Variants in MYRIP observed in about 807,000 individuals in gnomAD.
The protein encoded by MYRIP is rab effector MyRIP.
MYRIP carries 49 observed loss-of-function variants against 98.0 expected under a neutral mutation model. The observed-to-expected ratio is 0.50, with a 90% CI of 0.40 to 0.63. The LOEUF (loss-of-function observed/expected upper bound fraction) is 0.63, where lower values mean the gene tolerates loss of function less well. Ranked by LOEUF, MYRIP falls within the 30% of genes least tolerant of loss-of-function variation. The probability of loss-of-function intolerance (pLI) is 0.00; values close to 1 mark genes in which losing one functional copy is unlikely to be tolerated. For synonymous variants in MYRIP, 404 were observed against 409.5 expected, an observed-to-expected ratio of 0.99 and a Z score of 0.16; for missense variants, 1,004 against 1,058.2, an observed-to-expected ratio of 0.95 and a Z score of 0.71.
chr3:39,904,797 G>A (rs1195537135), intron 2 of MYRIP, among the ~76,000 whole-genome samples: 1 of 152,170 alleles, frequency 6.6e-6, no homozygotes, highest in Admixed American at 6.5e-5. Context: ...TATGTAAAGT[G>A]ATTCTGTCAA....
intron 1 of MYRIP, among the ~76,000 whole-genome samples, chr3:39,845,899 C>T (rs1941951122): frequency 6.7e-6 from 1 of 148,560 alleles, no homozygotes; most frequent in Admixed American, 6.7e-5. Flanking sequence ...TCACCTGAAA[C>T]TGAATGAACA....
chr3:39,896,555 T>C (rs999120748), intron 1 of MYRIP, among the ~76,000 whole-genome samples: 8 of 152,222 alleles, frequency 5.3e-5, no homozygotes, highest in Admixed American at 2.0e-4. Flanking sequence ...TCTTAACATT[T>C]AGGTTTCTCT....
intron 7 of MYRIP, among the ~76,000 whole-genome samples, chr3:40,169,182 C>T (rs1339142902): frequency 1.3e-5 from 2 of 152,212 alleles, no homozygotes; most frequent in Non-Finnish European, 2.9e-5. Context: ...GTCACTGGTC[C>T]TCAGCAATTC....
intron 12 of MYRIP, among the ~76,000 whole-genome samples, chr3:40,234,439 A>G (rs1173876637): frequency 1.3e-5 from 2 of 152,212 alleles, no homozygotes; most frequent in Non-Finnish European, 2.9e-5. Flanking sequence ...GGCCCGTCCT[A>G]CAACCAGCAG....
chr3:40,193,150 A>G (rs934442969), intron 10 of MYRIP, among the ~76,000 whole-genome samples: 1 of 152,198 alleles, frequency 6.6e-6, no homozygotes, highest in Admixed American at 6.5e-5. Context: ...GTTACAAGGC[A>G]CACAGACCTA....
At chr3:39,838,327 A>G (rs547835749) in intron 1 of MYRIP, among the ~76,000 whole-genome samples, 1 of 152,310 alleles carries the variant, frequency 6.6e-6, no homozygotes, top group Non-Finnish European at 1.5e-5. Context: ...CCCATTTAGT[A>G]TGATATTAGC....
chr3:39,836,559 C>T (rs1446862214), intron 1 of MYRIP, among the ~76,000 whole-genome samples: 1 of 151,976 alleles, frequency 6.6e-6, no homozygotes, highest in Admixed American at 6.6e-5. Context: ...GCTCCTTTTG[C>T]GAGGGCATTA....
intron 2 of MYRIP, among the ~76,000 whole-genome samples, chr3:39,995,588 T>G (rs1207306408): frequency 6.6e-6 from 1 of 152,126 alleles, no homozygotes; most frequent in Non-Finnish European, 1.5e-5. Context: ...ACGGGGAGAA[T>G]GGAACCAAGT....
At chr3:40,167,107 C>A in intron 6 of MYRIP, 52 bp from the exon 7 acceptor site, 1 of 1,574,786 alleles carries the variant, frequency 6.4e-7, no homozygotes, top group South Asian at 1.1e-5. Context: ...AAGTGACTGC[C>A]AAGTCACCCC....
intron 9 of MYRIP, among the ~76,000 whole-genome samples, chr3:40,187,467 A>C (rs2125625395): frequency 6.6e-6 from 1 of 152,358 alleles, no homozygotes; most frequent in Non-Finnish European, 1.5e-5. Context: ...CTGAGCAGGC[A>C]TGTGTAACAC....
Position 40,099,985 on chromosome 3 carries a change from G to A in MYRIP, c.333-51063G>A, listed in dbSNP as rs144294732. 1.4e-3 allele frequency: 1,363 copies of A among 984,874 alleles called. 8 individuals carry two copies. In the African/African-American group the frequency reaches 0.022, roughly 16 times the overall value. 61.0% of individuals were successfully genotyped at this position (984,874 alleles called of 1,614,324 possible). On this transcript the variant is annotated intron_variant, in intron 3 of 16. Transcript: ENST00000302541. Reference sequence around the variant, plus strand: ...GTTGTCTGAGATTTCACAGCTCTCCGTCACCTCCCTTCTGAAACTGGTAAT... The same window carrying A: ...GTTGTCTGAGATTTCACAGCTCTCCATCACCTCCCTTCTGAAACTGGTAAT...
intron 2 of MYRIP, among the ~76,000 whole-genome samples, chr3:39,903,472 G>T (rs186615934): frequency 6.6e-5 from 10 of 152,138 alleles, no homozygotes; most frequent in African/African-American, 2.4e-4. Flanking sequence ...GTGTAGTAGA[G>T]CTTATCCAGT....
intron 1 of MYRIP, among the ~76,000 whole-genome samples, chr3:39,878,577 G>GCCTCT (rs1943073729): frequency 6.6e-6 from 1 of 151,376 alleles, no homozygotes; most frequent in Non-Finnish European, 1.5e-5. Context: ...TATACACAGA[G>GCCTCT]GTGTATATAT....
At chr3:40,200,457 G>A (rs189204331) in intron 10 of MYRIP, among the ~76,000 whole-genome samples, 1 of 152,104 alleles carries the variant, frequency 6.6e-6, no homozygotes, top group African/African-American at 2.4e-5. Context: ...GGGAGTATTG[G>A]GAGCCTGTCT....
intron 10 of MYRIP, among the ~76,000 whole-genome samples, chr3:40,197,427 A>G (rs1951423937): frequency 6.6e-6 from 1 of 152,126 alleles, no homozygotes; most frequent in South Asian, 2.1e-4. Context: ...ACCGCTGAAC[A>G]CACTCTTCTG....
chr3:40,000,570 A>G (rs528338445), intron 2 of MYRIP, among the ~76,000 whole-genome samples: 5 of 152,322 alleles, frequency 3.3e-5, no homozygotes, highest in African/African-American at 1.2e-4. Flanking sequence ...TGGCCTTGTC[A>G]TGGGAAGACA....
intron 10 of MYRIP, among the ~76,000 whole-genome samples, chr3:40,196,172 G>A (rs1335277818): frequency 1.3e-5 from 2 of 150,738 alleles, no homozygotes; most frequent in African/African-American, 4.9e-5. Context: ...TTTTACTGGT[G>A]TCTTTGAAGA....
At chr3:39,862,429 A>AAG (rs1353372626) in intron 1 of MYRIP, among the ~76,000 whole-genome samples, 1 of 152,090 alleles carries the variant, frequency 6.6e-6, no homozygotes, top group Admixed American at 6.5e-5. Context: ...CCATACAAAC[A>AAG]AGTGTGCATA....
chr3:39,853,218 C>A (rs1337398352), intron 1 of MYRIP, among the ~76,000 whole-genome samples: 1 of 152,142 alleles, frequency 6.6e-6, no homozygotes, highest in African/African-American at 2.4e-5. Flanking sequence ...TATAAACATG[C>A]ATATCAAGTG....
Sources: gnomAD v4.1 joint callset for allele counts (sites outside exome capture counted in the v4.1 genomes callset) on GRCh38, gnomAD v4.1.1 for gene constraint, MANE v1.5 for transcripts, NCBI Gene and HGNC (gene_info 2026-07-23, HGNC 2026-07-21) for gene names.